The following ZNF483 variants were observed in gnomAD, a reference collection of about 807,000 sequenced individuals.
ZNF483 encodes zinc finger protein 483.
A neutral mutation model predicts 28.6 loss-of-function variants in ZNF483; 9 were observed. That is an observed-to-expected ratio of 0.32 (90% confidence interval 0.19 to 0.55). ZNF483 has a LOEUF of 0.55. Among genes scored for constraint, ZNF483 ranks in the 20% least tolerant of loss-of-function variants. The pLI, the probability that ZNF483 is intolerant of heterozygous loss-of-function variation, is 0.93. For synonymous variants in ZNF483, 322 were observed against 306.2 expected (o/e 1.05, Z -0.54); for missense variants, 675 against 871.7 (o/e 0.77, Z 2.84).
chr9:111,578,100 C>T (rs1014450275), downstream of ZNF483, among the ~76,000 whole-genome samples: 22 of 152,044 alleles, frequency 1.4e-4, no homozygotes, highest in African/African-American at 5.1e-4. Flanking sequence ...TTACATGGTA[C>T]ATGAATGATA....
Position 111,546,983 on chromosome 9 carries a change from C to G in ZNF483, c.*3813C>G, listed in dbSNP as rs1305615907. ...CTTATTCCACTTAGCATTATGTTTT[C>G]AAGGTTCGGCCGTGTTGTAGCACAT... On this transcript the variant is annotated 3_prime_UTR_variant, in exon 6 of 6. Coordinates refer to ENST00000309235, the MANE Select transcript of ZNF483 (RefSeq NM_133464.5). Among the ~76,000 whole-genome samples, 2 of 152,132 alleles carry G rather than the reference C, an allele frequency of 1.3e-5. No homozygotes were observed. Among genetic ancestry groups the G allele is most frequent in the Non-Finnish European group, 2.9e-5 (2 of 67,994 alleles).
At position 111,551,356 on chromosome 9, in the gene ZNF483, AATATACTTAAT is replaced by A. The variant is rs933937945; in HGVS notation, c.*8187_*8197del. Among the ~76,000 whole-genome samples, 6 of 151,376 alleles carry A rather than the reference AATATACTTAAT, an allele frequency of 4.0e-5. No individual in the cohort carries two copies. Among genetic ancestry groups the A allele is most frequent in the Non-Finnish European group, 8.8e-5 (6 of 67,900 alleles). ...CCAAACATACTTTGTTGTTGTTCTA[AATATACTTAAT>A]TTTCCAATAACTGAATCAAGTATCC... On this transcript the variant is annotated 3_prime_UTR_variant, in exon 6 of 6. Coordinates refer to ENST00000309235, the MANE Select transcript of ZNF483 (RefSeq NM_133464.5).
chr9:111,544,426 T>C lies in ZNF483; in HGVS notation c.*1256T>C. ...GGGCATTTCATACTAAAAACAAAGC[T>C]TGTCTTAAAAAAAATTATAAGGGCT... On this transcript the variant is annotated 3_prime_UTR_variant, in exon 6 of 6. Transcript: ENST00000309235. The C allele has an allele frequency of 1.1e-6, 1 of 951,248 alleles. No individual in the cohort carries two copies. 58.9% of individuals were successfully genotyped at this position (951,248 alleles called of 1,614,324 possible). A position where few individuals can be genotyped will look rare whatever the true frequency, so the allele number is the denominator to read the frequency against.
intron 5 of ZNF483, among the ~76,000 whole-genome samples, chr9:111,535,729 T>TA (rs1384000529): frequency 6.6e-6 from 1 of 151,340 alleles, no homozygotes; most frequent in Non-Finnish European, 1.5e-5. Context: ...GTATTTTTAG[T>TA]AGAGGCGGGG....
chr9:111,533,418 AGGCCTG>A, intron 3 of ZNF483, among the ~76,000 whole-genome samples: 1 of 152,380 alleles, frequency 6.6e-6, no homozygotes, highest in Admixed American at 6.5e-5. Context: ...ACAGTGGCTC[AGGCCTG>A]TAATCCCAGT....
chr9:111,557,856 T>C (rs1006205579), downstream of ZNF483, among the ~76,000 whole-genome samples: 2 of 152,178 alleles, frequency 1.3e-5, no homozygotes, highest in African/African-American at 4.8e-5. Flanking sequence ...ATGTTAAAAC[T>C]ATGGAAGTAG....
At chr9:111,566,373 G>A (rs1484014785) in intron 5 of ZNF483, among the ~76,000 whole-genome samples, 6 of 152,186 alleles carry the variant, frequency 3.9e-5, no homozygotes. Context: ...TCAGCTCCCT[G>A]GTGACAGCCC....
intron 3 of ZNF483, among the ~76,000 whole-genome samples, chr9:111,531,467 C>T (rs1245300520): frequency 6.6e-6 from 1 of 152,034 alleles, no homozygotes; most frequent in African/African-American, 2.4e-5. Flanking sequence ...GCCTCTGCCT[C>T]CCAGGTTCAA....
chr9:111,546,240 G>A lies in ZNF483; in HGVS notation c.*3070G>A, dbSNP rs1396844070. On this transcript the variant is annotated 3_prime_UTR_variant, in exon 6 of 6. Transcript: ENST00000309235. ...TCAGATTTTTTGTCCATTTAAAATT[G>A]GAGTTTGCTGATACTGTGTTGTAGT... 6.6e-6 allele frequency among the ~76,000 whole-genome samples: 1 copy of A among 152,072 alleles called. No homozygotes were observed. The highest frequency in any genetic ancestry group is 2.4e-5 in the African/African-American group (1 of 41,430).
chr9:111,574,889 G>A, intron 5 of ZNF483: 1 of 1,390,222 alleles, frequency 7.2e-7, no homozygotes, highest in Non-Finnish European at 1.0e-6. Context: ...AAATACTAGA[G>A]ATTCAGGAGA....
chr9:111,549,927 A>G lies in ZNF483; in HGVS notation c.*6757A>G, dbSNP rs1827890401. On this transcript the variant is annotated 3_prime_UTR_variant, in exon 6 of 6. Transcript: ENST00000309235. ...TTGTTGGTTTATTTTGTGCCTTTGAATGGTCAATACTTGTTTCTTTGTATG... is the reference window on the plus strand; with the variant it reads ...TTGTTGGTTTATTTTGTGCCTTTGAGTGGTCAATACTTGTTTCTTTGTATG... 1.6e-6 allele frequency: 1 copy of G among 631,820 alleles called. No individual in the cohort carries two copies. The highest frequency in any genetic ancestry group is 2.8e-6 in the Non-Finnish European group (1 of 361,494). The allele number at this position is 631,820 out of a possible 1,614,324, so 39.1% of individuals were successfully genotyped here.
rs1164105235 is a variant in ZNF483, at chr9:111,553,945, G to A, written c.*10775G>A. Among the ~76,000 whole-genome samples, 4 of 152,206 alleles carry A rather than the reference G, an allele frequency of 2.6e-5. No individual in the cohort carries two copies. The highest frequency in any genetic ancestry group is 4.4e-5 in the Non-Finnish European group (3 of 68,040). Reference sequence around the variant, plus strand: ...CTTTCCCATATTTTGTAGTCATGCTGTGTGGAGCACATAACTTCCAACGTC... The same window carrying A: ...CTTTCCCATATTTTGTAGTCATGCTATGTGGAGCACATAACTTCCAACGTC... On this transcript the variant is annotated 3_prime_UTR_variant, in exon 6 of 6. Coordinates refer to ENST00000309235, the MANE Select transcript of ZNF483 (RefSeq NM_133464.5).
chr9:111,577,938 A>T (rs929670114), downstream of ZNF483: 7 of 152,200 alleles, frequency 4.6e-5, no homozygotes, highest in African/African-American at 1.7e-4. Context: ...CAGTCATAAG[A>T]GACCACTTTT....
chr9:111,555,809 T>C (rs1365727008), downstream of ZNF483, among the ~76,000 whole-genome samples: 1 of 152,194 alleles, frequency 6.6e-6, no homozygotes, highest in Non-Finnish European at 1.5e-5. Flanking sequence ...TTGTGGATTA[T>C]AGTTCAACAG....
At chr9:111,566,834 T>C (rs1828582052) in intron 5 of ZNF483, among the ~76,000 whole-genome samples, 1 of 152,086 alleles carries the variant, frequency 6.6e-6, no homozygotes, top group Non-Finnish European at 1.5e-5. Flanking sequence ...AATAAGTAAA[T>C]TATAGTATAT....
In ZNF483 at chr9:111,554,347, T is replaced by C. The variant is rs1017337496; in HGVS notation, c.*11177T>C. 3.9e-5 allele frequency among the ~76,000 whole-genome samples: 6 copies of C among 152,232 alleles called. No individual in the cohort carries two copies. Among genetic ancestry groups the C allele is most frequent in the Non-Finnish European group, 8.8e-5 (6 of 68,036 alleles). ...TTCCGTTGCCCAGAGATCAATCATA[T>C]AACCCTAACCTAACTTAAAGGGAGG... On this transcript the variant is annotated 3_prime_UTR_variant, in exon 6 of 6. Coordinates refer to ENST00000309235, the MANE Select transcript of ZNF483 (RefSeq NM_133464.5).
downstream of ZNF483, among the ~76,000 whole-genome samples, chr9:111,558,059 A>G (rs901217431): frequency 2.0e-5 from 3 of 152,092 alleles, no homozygotes; most frequent in African/African-American, 7.2e-5. Flanking sequence ...AGGCAGGAAA[A>G]TTGCTTGAAC....
chr9:111,562,856 A>G, intron 5 of ZNF483: 1 of 984,144 alleles, frequency 1.0e-6, no homozygotes, highest in Non-Finnish European at 1.3e-6. Context: ...GTGTTTGGAA[A>G]ATTTTCACAC....
intron 3 of ZNF483, 59 bp downstream of exon 3, chr9:111,531,022 G>C: frequency 1.2e-6 from 1 of 814,236 alleles, no homozygotes; most frequent in Non-Finnish European, 1.9e-6. Context: ...CTCCTACTGA[G>C]TGGTATAAAG....
Sources: allele counts gnomAD v4.1 joint callset (sites outside exome capture counted in the v4.1 genomes callset), GRCh38; gene constraint gnomAD v4.1.1; transcripts MANE v1.5; gene names NCBI Gene and HGNC (gene_info 2026-07-23, HGNC 2026-07-21).